The following DOP1B variants were observed in gnomAD, a reference collection of about 807,000 sequenced individuals.
The protein encoded by DOP1B is DOP1 leucine zipper like protein B.
In DOP1B, 174 loss-of-function variants were observed where a neutral mutation model predicts 233.5. That is an observed-to-expected ratio of 0.75 (90% CI 0.66 to 0.85). DOP1B has a LOEUF of 0.85. DOP1B is among the 40% of genes least tolerant of loss of function. DOP1B has a pLI of 0.00. For missense variants in DOP1B, 2,652 were observed against 2,846.6 expected (o/e 0.93, Z 1.56); for synonymous variants, 1,190 against 1,185.6 (o/e 1.00, Z -0.08).
chr21:36,198,405 G>A (rs1465624220), intron 2 of DOP1B, among the ~76,000 whole-genome samples: 1 of 151,554 alleles, frequency 6.6e-6, no homozygotes, highest in Non-Finnish European at 1.5e-5. Context: ...TTCCAGCCTG[G>A]GTGACAGAGC....
At chr21:36,254,564 C>T (rs1302409568) in intron 23 of DOP1B, among the ~76,000 whole-genome samples, 2 of 152,088 alleles carry the variant, frequency 1.3e-5, no homozygotes, top group Non-Finnish European at 1.5e-5. Context: ...GCTGGGAGAT[C>T]GAGACTCTGT....
At chr21:36,187,712 ATCCTCCT>A (rs1423027805) in intron 2 of DOP1B, among the ~76,000 whole-genome samples, 6 of 152,228 alleles carry the variant, frequency 3.9e-5, no homozygotes, top group African/African-American at 1.2e-4. Context: ...GTTCCAAGTG[ATCCTCCT>A]GCCTCAGCCT....
At chr21:36,252,135 C>T (rs532385917) in intron 22 of DOP1B, among the ~76,000 whole-genome samples, 5 of 151,670 alleles carry the variant, frequency 3.3e-5, no homozygotes, top group Non-Finnish European at 7.4e-5. Flanking sequence ...CATGATTGTG[C>T]CACTGCATTC....
intron 23 of DOP1B, among the ~76,000 whole-genome samples, chr21:36,256,202 T>C (rs2067095097): frequency 6.6e-6 from 1 of 152,144 alleles, no homozygotes; most frequent in Admixed American, 6.6e-5. Context: ...GCATGGTGGC[T>C]CATGCCTGTA....
In DOP1B at chr21:36,226,425, G is replaced by C. The variant is rs554603250; in HGVS notation, c.1473+758G>C. 1.2e-4 allele frequency among the ~76,000 whole-genome samples: 18 copies of C among 151,634 alleles called. No individual in the cohort carries two copies. The East Asian group carries it at 3.3e-3, about 28-fold the overall frequency. ...TGATTCTCCTGCCTCGGCCTCCCAGGTAGCTGGGATTACAGGCACCTGCCA... is the reference window on the plus strand; with the variant it reads ...TGATTCTCCTGCCTCGGCCTCCCAGCTAGCTGGGATTACAGGCACCTGCCA... On this transcript the variant is annotated intron_variant, in intron 12 of 36. Coordinates refer to ENST00000691173, the MANE Select transcript of DOP1B (RefSeq NM_001320714.2).
intron 2 of DOP1B, among the ~76,000 whole-genome samples, chr21:36,196,043 A>G (rs533050857): frequency 6.6e-6 from 1 of 152,380 alleles, no homozygotes; most frequent in African/African-American, 2.4e-5. Flanking sequence ...TATACTCAAA[A>G]GAGCAGAAGA....
At chr21:36,283,703 T>C (rs2067445444) in intron 32 of DOP1B, among the ~76,000 whole-genome samples, 1 of 152,108 alleles carries the variant, frequency 6.6e-6, no homozygotes, top group Non-Finnish European at 1.5e-5. Context: ...AGAGCTGAAC[T>C]TTGTTGCCTC....
intron 4 of DOP1B, among the ~76,000 whole-genome samples, chr21:36,201,987 C>T (rs999872108): frequency 6.6e-6 from 1 of 152,098 alleles, no homozygotes; most frequent in African/African-American, 2.4e-5. Context: ...GAGTTCAAGA[C>T]CAGCCTGGCC....
chr21:36,214,024 TATG>T, intron 7 of DOP1B, 54 bp from the exon 8 acceptor site: 1 of 1,375,600 alleles, frequency 7.3e-7, no homozygotes, highest in South Asian at 1.3e-5. Context: ...TTTTGCACAA[TATG>T]ATGTCCTTTA....
intron 1 of DOP1B, among the ~76,000 whole-genome samples, chr21:36,159,106 T>A (rs576295781): frequency 9.2e-5 from 14 of 151,364 alleles, no homozygotes; most frequent in African/African-American, 3.2e-4. Flanking sequence ...TACCCCAGCC[T>A]GGGTGACAAG....
At chr21:36,173,359 T>C (rs539942065) in intron 2 of DOP1B, among the ~76,000 whole-genome samples, 1 of 152,280 alleles carries the variant, frequency 6.6e-6, no homozygotes, top group East Asian at 1.9e-4. Flanking sequence ...AATGGTATCA[T>C]TTTCAAACTT....
At chr21:36,254,263 A>T (rs1419441087) in intron 23 of DOP1B, among the ~76,000 whole-genome samples, 1 of 152,168 alleles carries the variant, frequency 6.6e-6, no homozygotes, top group Non-Finnish European at 1.5e-5. Context: ...AGCCATAAAG[A>T]TGCCAAAGAT....
At chr21:36,281,072 G>A (rs2067410316) in intron 31 of DOP1B, among the ~76,000 whole-genome samples, 1 of 152,186 alleles carries the variant, frequency 6.6e-6, no homozygotes, top group Non-Finnish European at 1.5e-5. Context: ...GAGTGGCTGA[G>A]GTGGGTGGAT....
chr21:36,288,773 G>A lies in DOP1B; in HGVS notation c.6315G>A (p.Gln2105=). Reference sequence around the variant, plus strand: ...TTTTTCAGATTCAGACATTCACACAGCTTGAAGAAGATCTAAAAGATGAAG... The same window carrying A: ...TTTTTCAGATTCAGACATTCACACAACTTGAAGAAGATCTAAAAGATGAAG... The part of the protein sequence containing the change: ...MVSELIQTFT[Q]LEEDLKDEDE... The change falls in exon 34 of 37, where the codon CAG becomes CAA. Residue 2105 remains glutamine, a synonymous_variant. Coordinates refer to ENST00000691173, the MANE Select transcript of DOP1B (RefSeq NM_001320714.2). The A allele has an allele frequency of 6.2e-7, 1 of 1,612,852 alleles. No homozygotes were observed. Among genetic ancestry groups the A allele is most frequent in the Non-Finnish European group, 8.5e-7 (1 of 1,179,316 alleles).
intron 27 of DOP1B, among the ~76,000 whole-genome samples, chr21:36,272,561 G>T (rs1364401434): frequency 1.3e-5 from 2 of 150,406 alleles, no homozygotes; most frequent in Non-Finnish European, 3.0e-5. Context: ...GAGGCAGAAT[G>T]ACTTGAACCC....
chr21:36,204,658 A>ATTTTTTTTTTTTTTTT lies in DOP1B; in HGVS notation c.492-4056_492-4041dup, dbSNP rs56725433. Among the ~76,000 whole-genome samples the ATTTTTTTTTTTTTTTT allele has an allele frequency of 9.5e-5, 11 of 115,210 alleles. 1 individual carries two copies. The highest frequency in any genetic ancestry group is 2.7e-4 in the South Asian group (1 of 3,660). The allele number at this position is 115,210 out of a possible 152,430, so 75.6% of individuals were successfully genotyped here. ...GCCACCCCTTTTGGCTGACATTTCT[A>ATTTTTTTTTTTTTTTT]TTTTTTTTTTTTTTTTGAGACAGTC... On this transcript the variant is annotated intron_variant, in intron 4 of 36. Coordinates refer to ENST00000691173, the MANE Select transcript of DOP1B (RefSeq NM_001320714.2).
chr21:36,288,077 T>C lies in DOP1B; in HGVS notation c.6224T>C (p.Phe2075Ser). 1.8e-5 allele frequency: 29 copies of C among 1,614,188 alleles called. No homozygotes were observed. Among genetic ancestry groups the C allele is most frequent in the Non-Finnish European group, 2.5e-5 (29 of 1,180,028 alleles). ...ATAGTTGCTGCTCAGATGTTTCTTT[T>C]TTTCAGAGTTTTGCTGCTAAGAATA... ...TSIVAAQMFL[F>S]FRVLLLRISP... The change falls in exon 33 of 37, where the codon TTT becomes TCT. Residue 2075 changes from phenylalanine (F) to serine (S), a missense_variant. Coordinates refer to ENST00000691173, the MANE Select transcript of DOP1B (RefSeq NM_001320714.2).
intron 2 of DOP1B, among the ~76,000 whole-genome samples, chr21:36,186,006 C>G (rs1215434537): frequency 6.6e-6 from 1 of 152,110 alleles, no homozygotes; most frequent in African/African-American, 2.4e-5. Flanking sequence ...AGTTTGAGAC[C>G]AGCCTGGCCA....
rs554876219 is a variant in DOP1B, at chr21:36,169,783, T to A, written c.138+4912T>A. On this transcript the variant is annotated intron_variant, in intron 2 of 36. Coordinates refer to ENST00000691173, the MANE Select transcript of DOP1B (RefSeq NM_001320714.2). ...ATCCTCATCCTGCCATTTCTTGCAGTACTTGGTAAAGGCCTTCTTCCTAGA... is the reference window on the plus strand; with the variant it reads ...ATCCTCATCCTGCCATTTCTTGCAGAACTTGGTAAAGGCCTTCTTCCTAGA... 194 of 1,260,718 alleles carry A rather than the reference T, an allele frequency of 1.5e-4. 4 individuals are homozygous for A. The South Asian group carries it at 2.1e-3, about 14-fold the overall frequency. The allele number at this position is 1,260,718 out of a possible 1,614,324, so 78.1% of individuals were successfully genotyped here. A position where few individuals can be genotyped will look rare whatever the true frequency, so the allele number is the denominator to read the frequency against.
Sources: gnomAD v4.1 joint callset for allele counts (sites outside exome capture counted in the v4.1 genomes callset) on GRCh38, gnomAD v4.1.1 for gene constraint, MANE v1.5 for transcripts, NCBI Gene and HGNC (gene_info 2026-07-23, HGNC 2026-07-21) for gene names.